Variants in DAPK2 observed in about 807,000 individuals in gnomAD.
DAPK2 encodes death-associated protein kinase 2.
In DAPK2, 35 loss-of-function variants were observed where a neutral mutation model predicts 44.1. The observed-to-expected ratio is 0.79, with a 90% CI of 0.61 to 1.05. The LOEUF is 1.05. DAPK2 is among the 50% of genes least tolerant of loss of function. DAPK2 has a pLI of 0.00. For missense variants in DAPK2, 453 were observed against 483.2 expected, an observed-to-expected ratio of 0.94 and a Z score of 0.59; for synonymous variants, 174 against 182.6, an observed-to-expected ratio of 0.95 and a Z score of 0.38.
intron 1 of DAPK2, among the ~76,000 whole-genome samples, chr15:64,045,807 C>T (rs1308802998): frequency 6.6e-6 from 1 of 152,044 alleles, no homozygotes; most frequent in South Asian, 2.1e-4. Context: ...CTAGCTCTAC[C>T]CCAGGCCGGG....
At chr15:64,011,247 C>G (rs188855810) in intron 1 of DAPK2, among the ~76,000 whole-genome samples, 52 of 152,278 alleles carry the variant, frequency 3.4e-4, no homozygotes, top group African/African-American at 1.2e-3. Context: ...AGCCTCTTTT[C>G]CCTAAAAGTT....
chr15:63,942,530 C>T (rs1418833286), intron 3 of DAPK2, among the ~76,000 whole-genome samples: 1 of 151,012 alleles, frequency 6.6e-6, no homozygotes, highest in South Asian at 2.1e-4. Flanking sequence ...CCAGCCTGGG[C>T]GACAAAGTGA....
At position 64,036,327 on chromosome 15, in the gene DAPK2, A is replaced by ATATATATG. The variant is rs1486511784; in HGVS notation, c.92+3842_92+3843insCATATATA. On this transcript the variant is annotated intron_variant, in intron 1 of 10. Coordinates refer to ENST00000261891, the Ensembl canonical transcript of DAPK2. ...TGTGTGTGTATATATATGTATATAT[A>ATATATATG]TATATATATACATATATATATATAT... Among the ~76,000 whole-genome samples the ATATATATG allele has an allele frequency of 1.5e-4, 16 of 109,648 alleles. 1 individual carries two copies. In the East Asian group the frequency reaches 5.1e-3, roughly 35 times the overall value. The allele number at this position is 109,648 out of a possible 152,430, so 71.9% of individuals were successfully genotyped here. A position where few individuals can be genotyped will look rare whatever the true frequency, so the allele number is the denominator to read the frequency against.
chr15:63,991,890 A>G (rs2078830511), intron 1 of DAPK2, among the ~76,000 whole-genome samples: 1 of 152,170 alleles, frequency 6.6e-6, no homozygotes, highest in Non-Finnish European at 1.5e-5. Flanking sequence ...CTCCTGACCT[A>G]TAAATGGCCC....
chr15:64,017,752 T>C (rs1032876066), intron 1 of DAPK2, among the ~76,000 whole-genome samples: 5 of 152,222 alleles, frequency 3.3e-5, no homozygotes, highest in African/African-American at 2.4e-5. Context: ...ATGTGCTTTG[T>C]CAACTGTACA....
chr15:63,981,720 A>G (rs12902825), intron 2 of DAPK2, among the ~76,000 whole-genome samples: 133,247 of 151,394 alleles, frequency 0.88, 58,870 homozygotes, highest in East Asian at 0.97. Flanking sequence ...AGAAAGGTGC[A>G]CTTGTCACTC....
At chr15:64,038,581 C>T (rs1014071067) in intron 1 of DAPK2, among the ~76,000 whole-genome samples, 1 of 152,178 alleles carries the variant, frequency 6.6e-6, no homozygotes, top group African/African-American at 2.4e-5. Flanking sequence ...ACCCACCATC[C>T]AGTCAGCCAG....
At chr15:63,964,084 C>T (rs565914522) in intron 3 of DAPK2, among the ~76,000 whole-genome samples, 12 of 152,164 alleles carry the variant, frequency 7.9e-5, no homozygotes, top group African/African-American at 2.9e-4. Context: ...TCATTAATGT[C>T]CTTTTCCTTT....
At chr15:63,986,830 G>T (rs527496045) in intron 1 of DAPK2, among the ~76,000 whole-genome samples, 2 of 148,858 alleles carry the variant, frequency 1.3e-5, no homozygotes, top group African/African-American at 4.9e-5. Flanking sequence ...TTAAAAGCCC[G>T]CTGGGTAACT....
intron 2 of DAPK2, among the ~76,000 whole-genome samples, chr15:63,979,081 G>A (rs377663490): frequency 3.9e-5 from 6 of 152,196 alleles, no homozygotes; most frequent in African/African-American, 9.7e-5. Flanking sequence ...CCACGGTATC[G>A]CTTTCCACAG....
chr15:63,955,816 C>A (rs1000527362), intron 3 of DAPK2, among the ~76,000 whole-genome samples: 1 of 152,190 alleles, frequency 6.6e-6, no homozygotes, highest in African/African-American at 2.4e-5. Flanking sequence ...GCTCTCCCCA[C>A]CTCAGCCTCC....
intron 1 of DAPK2, among the ~76,000 whole-genome samples, chr15:64,033,651 G>A (rs1460269362): frequency 2.0e-5 from 3 of 152,048 alleles, no homozygotes; most frequent in South Asian, 2.1e-4. Flanking sequence ...GCTCACGCCT[G>A]TAATCCCAAC....
chr15:63,982,421 C>A (rs2078546296), intron 2 of DAPK2, among the ~76,000 whole-genome samples: 1 of 152,056 alleles, frequency 6.6e-6, no homozygotes, highest in Admixed American at 6.6e-5. Context: ...AAACTCCGAC[C>A]TTGTGATCTG....
At chr15:63,983,157 A>T (rs8032653) in intron 2 of DAPK2, among the ~76,000 whole-genome samples, 31,906 of 152,030 alleles carry the variant, frequency 0.21, 3,349 homozygotes, top group South Asian at 0.24. Flanking sequence ...CCTCGCTGAC[A>T]GCCTCCCCTG....
chr15:63,936,382 A>C (rs2077149282), intron 4 of DAPK2, among the ~76,000 whole-genome samples: 1 of 152,040 alleles, frequency 6.6e-6, no homozygotes, highest in South Asian at 2.1e-4. Flanking sequence ...AGGCCAAGGC[A>C]GGGGGATCAC....
chr15:63,915,571 G>C (rs2078905774), intron 8 of DAPK2, among the ~76,000 whole-genome samples: 1 of 152,200 alleles, frequency 6.6e-6, no homozygotes, highest in Non-Finnish European at 1.5e-5. Flanking sequence ...AGGTCAACTT[G>C]CAGGTGTGGG....
intron 3 of DAPK2, among the ~76,000 whole-genome samples, chr15:63,952,057 T>G (rs534919132): frequency 3.5e-4 from 53 of 152,174 alleles, no homozygotes; most frequent in African/African-American, 1.2e-3. Flanking sequence ...CTGGCCAACA[T>G]GGTGAAAACC....
In DAPK2 at chr15:63,910,227, G is replaced by A. The variant is rs537515251; in HGVS notation, c.1033-1627C>T. ...GGCCAAAGCCACACAGTTGTTTGGG[G>A]CCTCTGGGCCATAAATCCTCAAGTG... On this transcript the variant is annotated intron_variant, in intron 10 of 10. Coordinates refer to ENST00000261891, the Ensembl canonical transcript of DAPK2. Among the ~76,000 whole-genome samples the A allele has an allele frequency of 3.3e-5, 5 of 152,360 alleles. No homozygotes were observed. In the South Asian group the frequency reaches 1.0e-3, roughly 32 times the overall value.
chr15:64,000,429 C>T (rs1414022927), intron 1 of DAPK2, among the ~76,000 whole-genome samples: 1 of 152,190 alleles, frequency 6.6e-6, no homozygotes, highest in Non-Finnish European at 1.5e-5. Context: ...GCAAAAGAGA[C>T]CTCTACAAAG....
Sources: gnomAD v4.1 joint callset for allele counts (sites outside exome capture counted in the v4.1 genomes callset) on GRCh38, gnomAD v4.1.1 for gene constraint, MANE v1.5 for transcripts, NCBI Gene and HGNC (gene_info 2026-07-23, HGNC 2026-07-21) for gene names.